The following ROR1 variants were observed in gnomAD, a reference collection of about 807,000 sequenced individuals.
ROR1 encodes the protein ROR family WNT receptor 1.
Under a neutral mutation model 78.8 loss-of-function variants are expected in ROR1, and 19 were observed. The ratio of observed to expected loss-of-function variants is 0.24; its 90% CI spans 0.17 to 0.35. The LOEUF is 0.35. ROR1 is among the 10% of genes least tolerant of loss of function. The pLI is 1.00. For synonymous variants in ROR1, 386 were observed against 433.6 expected, an observed-to-expected ratio of 0.89 and a Z score of 1.36; for missense variants, 917 against 1,177.8, an observed-to-expected ratio of 0.78 and a Z score of 3.24.
rs549194318 is a variant in ROR1 at position 64,136,695 on chromosome 1, C to T, written c.483-674C>T. On this transcript the variant is annotated intron_variant, in intron 4 of 8. Coordinates refer to ENST00000371079, the MANE Select transcript of ROR1 (RefSeq NM_005012.4). ...AAAAAAAGTCTTATAATTTTGAGGC[C>T]GCAAAATTTTAATAAGACTATTTTT... is the stretch of plus-strand genomic sequence containing the variant. Among the ~76,000 whole-genome samples the T allele has an allele frequency of 6.6e-5, 10 of 152,062 alleles. No homozygotes were observed. In the South Asian group the frequency reaches 1.7e-3, roughly 25 times the overall value.
chr1:63,982,042 A>C (rs1646214626), intron 1 of ROR1, among the ~76,000 whole-genome samples: 1 of 152,104 alleles, frequency 6.6e-6, no homozygotes, highest in Non-Finnish European at 1.5e-5. Flanking sequence ...ACTACTACTA[A>C]TAATTGGCAA....
intron 7 of ROR1, among the ~76,000 whole-genome samples, chr1:64,158,171 A>T (rs1395336285): frequency 6.6e-6 from 1 of 152,204 alleles, no homozygotes; most frequent in Non-Finnish European, 1.5e-5. Flanking sequence ...TTCTTTTCCA[A>T]GCAATGGGAT....
chr1:63,920,553 C>T (rs376646350), intron 1 of ROR1, among the ~76,000 whole-genome samples: 1 of 152,174 alleles, frequency 6.6e-6, no homozygotes. Context: ...CACCATGATT[C>T]ATTACTCCAG....
At chr1:64,136,515 C>A (rs1413751936) in intron 4 of ROR1, among the ~76,000 whole-genome samples, 2 of 151,954 alleles carry the variant, frequency 1.3e-5, no homozygotes, top group Non-Finnish European at 2.9e-5. Flanking sequence ...CGTAGGCCCT[C>A]GTGGGAGATG....
chr1:64,119,020 G>A (rs4915943), intron 4 of ROR1, among the ~76,000 whole-genome samples: 46,226 of 152,060 alleles, frequency 0.3, 7,469 homozygotes, highest in African/African-American at 0.34. Flanking sequence ...TCTGGCTGGC[G>A]TAACCCAAGG....
intron 1 of ROR1, among the ~76,000 whole-genome samples, chr1:63,856,640 A>G (rs1645150816): frequency 6.6e-6 from 1 of 152,108 alleles, no homozygotes. Flanking sequence ...TTTCCTCCAG[A>G]CACCTTGAGC....
intron 4 of ROR1, among the ~76,000 whole-genome samples, chr1:64,093,341 A>G (rs562149216): frequency 1.1e-3 from 164 of 152,250 alleles, no homozygotes; most frequent in Non-Finnish European, 2.0e-3. Context: ...GGCCTTAACA[A>G]TGGAAGGCAT....
intron 1 of ROR1, among the ~76,000 whole-genome samples, chr1:63,929,915 A>C (rs574339216): frequency 6.6e-6 from 1 of 152,282 alleles, no homozygotes; most frequent in East Asian, 1.9e-4. Context: ...TCTCTTAACA[A>C]CTAGATTAAT....
intron 1 of ROR1, among the ~76,000 whole-genome samples, chr1:63,887,962 C>T (rs530039463): frequency 1.4e-4 from 21 of 152,058 alleles, no homozygotes; most frequent in African/African-American, 1.7e-4. Context: ...TAACACATGG[C>T]GAAACCAGAG....
intron 1 of ROR1, among the ~76,000 whole-genome samples, chr1:63,963,532 G>A (rs1363943162): frequency 1.3e-5 from 2 of 150,218 alleles, no homozygotes; most frequent in African/African-American, 4.9e-5. Context: ...TCCTGCCAAT[G>A]CACTCCAGCC....
chr1:64,142,804 A>G, intron 7 of ROR1, 154 bp downstream of exon 7: 1 of 1,441,256 alleles, frequency 6.9e-7, no homozygotes, highest in Non-Finnish European at 9.1e-7. Flanking sequence ...TGCCGTTTCT[A>G]CATAAAACAC....
At chr1:64,109,493 G>T (rs569870351) in intron 4 of ROR1, among the ~76,000 whole-genome samples, 1 of 152,154 alleles carries the variant, frequency 6.6e-6, no homozygotes, top group African/African-American at 2.4e-5. Context: ...CTTATGATGT[G>T]GTGCACAGTG....
At chr1:63,970,625 A>G (rs1457209794) in intron 1 of ROR1, among the ~76,000 whole-genome samples, 3 of 152,180 alleles carry the variant, frequency 2.0e-5, no homozygotes, top group Non-Finnish European at 2.9e-5. Context: ...GGAATCATAC[A>G]TGGGCTGCTG....
intron 1 of ROR1, among the ~76,000 whole-genome samples, chr1:63,888,101 G>A (rs1254389524): frequency 6.6e-6 from 1 of 152,170 alleles, no homozygotes; most frequent in Non-Finnish European, 1.5e-5. Flanking sequence ...AACTGAAGTA[G>A]CAGCTAAGCA....
chr1:64,077,031 A>G (rs545808859), intron 4 of ROR1, among the ~76,000 whole-genome samples: 22 of 152,330 alleles, frequency 1.4e-4, no homozygotes, highest in African/African-American at 5.3e-4. Flanking sequence ...TTCCTCATAT[A>G]GAAAAAATAT....
chr1:64,098,547 T>C (rs527307412), intron 4 of ROR1, among the ~76,000 whole-genome samples: 3 of 152,146 alleles, frequency 2.0e-5, no homozygotes, highest in Non-Finnish European at 4.4e-5. Context: ...GCCCAGAACT[T>C]AAAGCACTTT....
intron 2 of ROR1, among the ~76,000 whole-genome samples, chr1:64,023,580 A>G (rs576678006): frequency 2.6e-5 from 4 of 152,324 alleles, no homozygotes; most frequent in South Asian, 4.1e-4. Context: ...ATATCTAAAC[A>G]TATTTATTTA....
At chr1:63,789,741 A>G (rs11208293) in intron 1 of ROR1, among the ~76,000 whole-genome samples, 2,891 of 91,036 alleles carry the variant, frequency 0.032, 102 homozygotes, top group African/African-American at 0.11. Flanking sequence ...TTACTTATTT[A>G]TATGTTTGTC....
At chr1:64,021,953 A>C (rs974338347) in intron 2 of ROR1, among the ~76,000 whole-genome samples, 1 of 152,236 alleles carries the variant, frequency 6.6e-6, no homozygotes, top group Admixed American at 6.5e-5. Flanking sequence ...ACATATTCAT[A>C]GCTGTATTAC....
Sources: gnomAD v4.1 joint callset for allele counts (sites outside exome capture counted in the v4.1 genomes callset) on GRCh38, gnomAD v4.1.1 for gene constraint, MANE v1.5 for transcripts, NCBI Gene and HGNC (gene_info 2026-07-23, HGNC 2026-07-21) for gene names.